The following SYNCRIP variants were observed in gnomAD, a reference collection of about 807,000 sequenced individuals.
SYNCRIP encodes heterogeneous nuclear ribonucleoprotein Q.
Under a neutral mutation model 68.9 loss-of-function variants are expected in SYNCRIP, and 9 were observed. The ratio of observed to expected loss-of-function variants is 0.13; its 90% CI spans 0.08 to 0.23. SYNCRIP has a LOEUF of 0.23. Among genes scored for constraint, SYNCRIP ranks in the 10% least tolerant of loss-of-function variants. The pLI is 1.00. For synonymous variants in SYNCRIP, 258 were observed against 254.0 expected (o/e 1.02, Z -0.15); for missense variants, 414 against 770.6 (o/e 0.54, Z 5.48).
intron 6 of SYNCRIP, among the ~76,000 whole-genome samples, chr6:85,629,514 T>TAAAAA (rs1807457172): frequency 3.5e-5 from 1 of 28,696 alleles, no homozygotes; most frequent in East Asian, 1.1e-3. Flanking sequence ...AAACTAAAAA[T>TAAAAA]ACAAAAAAAA....
chr6:85,640,927 TAAC>T (rs1318078079), intron 2 of SYNCRIP, among the ~76,000 whole-genome samples: 6 of 152,194 alleles, frequency 3.9e-5, no homozygotes, highest in African/African-American at 1.4e-4. Context: ...CAGAAAAAGT[TAAC>T]AGCCGCACCA....
chr6:85,635,204 C>G (rs545564030), intron 6 of SYNCRIP, among the ~76,000 whole-genome samples: 234 of 152,100 alleles, frequency 1.5e-3, no homozygotes, highest in Non-Finnish European at 2.5e-3. Context: ...TCTAAGGTAC[C>G]TCTTTCTAGA....
At position 85,614,904 on chromosome 6, in the gene SYNCRIP, G is replaced by C. The variant is rs1805589586; in HGVS notation, c.1724C>G (p.Ser575Cys). 1 of 1,614,066 alleles carries C rather than the reference G, an allele frequency of 6.2e-7. No individual in the cohort carries two copies. The change falls in exon 11 of 11, where the codon TCC (serine) becomes TGC (cysteine). Residue 575 changes from serine to cysteine, a missense_variant. This residue lies in a region of SYNCRIP where 130 missense variants were observed against 149.0 expected (regional missense o/e 0.87). Coordinates refer to ENST00000369622, the MANE Select transcript of SYNCRIP (RefSeq NM_006372.5). ...CTGATTATTGGTCTGGCGCCGCTTG[G>C]AATCTGGCTGGTTGTACCCATCAGC... The part of the protein sequence containing the change: ...RKADGYNQPD[S>C]KRRQTNNQNW...
intron 6 of SYNCRIP, 84 bp from the exon 7 acceptor site, chr6:85,624,196 C>T: frequency 7.3e-7 from 1 of 1,370,436 alleles, no homozygotes; most frequent in South Asian, 1.3e-5. Context: ...AAGAGCAAAT[C>T]ATCCTTTAAA....
At chr6:85,617,453 C>T (rs62443357) in intron 10 of SYNCRIP, among the ~76,000 whole-genome samples, 4,600 of 152,304 alleles carry the variant, frequency 0.03, 112 homozygotes, top group Non-Finnish European at 0.046. Context: ...AGTTATTTTA[C>T]ACTGTTTAGT....
intron 6 of SYNCRIP, 67 bp downstream of exon 6, chr6:85,636,900 C>CT: frequency 1.3e-6 from 2 of 1,482,912 alleles, no homozygotes; most frequent in Non-Finnish European, 1.8e-6. Context: ...CTTAGGCACA[C>CT]TAAGAAAAAA....
intron 6 of SYNCRIP, among the ~76,000 whole-genome samples, chr6:85,635,865 A>G (rs1808385554): frequency 6.6e-6 from 1 of 151,950 alleles, no homozygotes; most frequent in Non-Finnish European, 1.5e-5. Context: ...CCTCATGGTA[A>G]AGGAAGGGGT....
intron 9 of SYNCRIP, 59 bp from the exon 10 acceptor site, chr6:85,618,998 T>A: frequency 6.6e-7 from 1 of 1,515,844 alleles, no homozygotes; most frequent in Non-Finnish European, 9.0e-7. Context: ...ATGATTCATT[T>A]AAAGTTGGAA....
Position 85,637,252 on chromosome 6 carries a change from A to G in SYNCRIP, c.480T>C (p.Val160=). 1.2e-6 allele frequency: 2 copies of G among 1,613,828 alleles called. No individual in the cohort carries two copies. The highest frequency in any genetic ancestry group is 1.7e-6 in the Non-Finnish European group (2 of 1,179,914). ...DSVYSGQQPS[V]GTEIFVGKIP... Reference sequence around the variant, plus strand: ...TTTTTAGTTGCTTTACCTCAGTGCCAACAGAAGGCTGCTGACCTGAATAAA... The same window carrying G: ...TTTTTAGTTGCTTTACCTCAGTGCCGACAGAAGGCTGCTGACCTGAATAAA... Residue 160 remains valine, a synonymous_variant, in exon 5 of 11, where the codon GTT becomes GTC. Transcript: ENST00000369622.
chr6:85,623,653 A>G (rs1250536305), intron 7 of SYNCRIP, among the ~76,000 whole-genome samples: 1 of 151,944 alleles, frequency 6.6e-6, no homozygotes, highest in African/African-American at 2.4e-5. Context: ...AAACAATTCT[A>G]CTAAGAACAT....
rs961015896 is a variant in SYNCRIP, at chr6:85,642,872, G to C, written c.-88C>G. ...GGGAAACGCGTGCTCGCTGCTCCCTGTGTCCGGCGCGAGTGGAGCTGTTGT... is the reference window on the plus strand; with the variant it reads ...GGGAAACGCGTGCTCGCTGCTCCCTCTGTCCGGCGCGAGTGGAGCTGTTGT... On this transcript the variant is annotated 5_prime_UTR_variant, in exon 1 of 11. Coordinates refer to ENST00000369622, the MANE Select transcript of SYNCRIP (RefSeq NM_006372.5). 2 of 152,662 alleles carry C rather than the reference G, an allele frequency of 1.3e-5. No homozygotes were observed. The highest frequency in any genetic ancestry group is 2.9e-5 in the Non-Finnish European group (2 of 68,076). The allele number at this position is 152,662 out of a possible 1,614,324, so 9.5% of individuals were successfully genotyped here.
At chr6:85,611,084 T>G (rs972126555), downstream of SYNCRIP, 2 of 151,998 alleles carry the variant, frequency 1.3e-5, no homozygotes, top group African/African-American at 4.8e-5. Flanking sequence ...TCCCAGTAAC[T>G]GACATACAAC....
intron 1 of SYNCRIP, among the ~76,000 whole-genome samples, chr6:85,642,179 C>G (rs934843647): frequency 1.3e-5 from 2 of 152,204 alleles, no homozygotes; most frequent in Non-Finnish European, 2.9e-5. Flanking sequence ...AACACCGAGG[C>G]ACCGGCGGCG....
chr6:85,623,579 A>AAAAAAACAAAACAAAAAAAC (rs1554184894), intron 7 of SYNCRIP, among the ~76,000 whole-genome samples: 1 of 125,758 alleles, frequency 8.0e-6, no homozygotes, highest in Non-Finnish European at 1.8e-5. Context: ...AAAAAAAAAA[A>AAAAAAACAAAACAAAAAAAC]AAAACACTCT....
chr6:85,638,737 A>C (rs1808777929), intron 4 of SYNCRIP, among the ~76,000 whole-genome samples: 3 of 152,238 alleles, frequency 2.0e-5, no homozygotes, highest in Non-Finnish European at 2.9e-5. Flanking sequence ...GTAATAGCTC[A>C]TCTTTCCATT....
Position 85,614,696 on chromosome 6 carries a change from A to T in SYNCRIP, c.*60T>A. On this transcript the variant is annotated 3_prime_UTR_variant, in exon 11 of 11. Coordinates refer to ENST00000369622, the MANE Select transcript of SYNCRIP (RefSeq NM_006372.5). ...ACAAATTATAGCGGCACCCGTTCAG[A>T]TTTAGGGTGAGTTTCTGATCAACCT... is the stretch of plus-strand genomic sequence containing the variant. 2.0e-6 allele frequency: 3 copies of T among 1,505,062 alleles called. No individual in the cohort carries two copies. The highest frequency in any genetic ancestry group is 2.7e-6 in the Non-Finnish European group (3 of 1,128,448). The allele number at this position is 1,505,062 out of a possible 1,614,324, so 93.2% of individuals were successfully genotyped here.
chr6:85,612,622 G>A (rs181701826), downstream of SYNCRIP: 2 of 316,320 alleles, frequency 6.3e-6, no homozygotes, highest in East Asian at 1.0e-4. Flanking sequence ...TAGGAGTTAT[G>A]AAGGATTTCT....
At chr6:85,632,840 G>C (rs147179525) in intron 6 of SYNCRIP, among the ~76,000 whole-genome samples, 47 of 152,314 alleles carry the variant, frequency 3.1e-4, no homozygotes, top group Admixed American at 7.2e-4. Flanking sequence ...AGGAAGCTGA[G>C]GCAGGAGGAT....
chr6:85,638,076 T>G (rs552348539), intron 4 of SYNCRIP, among the ~76,000 whole-genome samples: 1 of 152,016 alleles, frequency 6.6e-6, no homozygotes, highest in Non-Finnish European at 1.5e-5. Context: ...CTAGGCAAAG[T>G]ATAGAAAGAA....
Sources: allele counts gnomAD v4.1 joint callset (sites outside exome capture counted in the v4.1 genomes callset), GRCh38; gene constraint gnomAD v4.1.1; regional missense constraint gnomAD v4.1.1; transcripts MANE v1.5; gene names NCBI Gene and HGNC (gene_info 2026-07-23, HGNC 2026-07-21).